Variants in PRKN observed in about 807,000 individuals in gnomAD.
The protein encoded by PRKN is parkin RBR E3 ubiquitin protein ligase.
PRKN carries 56 observed loss-of-function variants against 59.5 expected under a neutral mutation model. The observed-to-expected ratio is 0.94, with a 90% CI of 0.76 to 1.18. The LOEUF is 1.18. Ranked by LOEUF, PRKN falls within the 50% of genes most tolerant of loss-of-function variation. The pLI, the probability that PRKN is intolerant of heterozygous loss-of-function variation, is 0.00. For synonymous variants in PRKN, 250 were observed against 222.1 expected (o/e 1.13, Z -1.12); for missense variants, 657 against 596.4 (o/e 1.10, Z -1.06).
chr6:162,616,842 A>G (rs561856557), intron 1 of PRKN, among the ~76,000 whole-genome samples: 1 of 152,332 alleles, frequency 6.6e-6, no homozygotes, highest in South Asian at 2.1e-4. Flanking sequence ...CAACATCAGC[A>G]GGAATAAGAC....
At chr6:161,923,579 T>C (rs1270166172) in intron 6 of PRKN, among the ~76,000 whole-genome samples, 1 of 151,016 alleles carries the variant, frequency 6.6e-6, no homozygotes, top group Non-Finnish European at 1.5e-5. Context: ...CCACTTGTTA[T>C]CAATTTTGTG....
intron 1 of PRKN, among the ~76,000 whole-genome samples, chr6:162,539,624 A>C (rs1484507915): frequency 6.6e-6 from 1 of 152,186 alleles, no homozygotes; most frequent in African/African-American, 2.4e-5. Context: ...TCAGACAAAA[A>C]AATGTAGGCT....
chr6:162,326,077 A>T (rs1276746183), intron 2 of PRKN, among the ~76,000 whole-genome samples: 1 of 152,170 alleles, frequency 6.6e-6, no homozygotes, highest in Non-Finnish European at 1.5e-5. Context: ...AAATCCTAAC[A>T]TTCACATTCT....
intron 1 of PRKN, among the ~76,000 whole-genome samples, chr6:162,458,549 C>A (rs1466518685): frequency 6.6e-6 from 1 of 151,396 alleles, no homozygotes; most frequent in Non-Finnish European, 1.5e-5. Flanking sequence ...ATATATTCCA[C>A]TGTTAAATAT....
rs1786484395 is a variant in PRKN at position 161,391,084 on chromosome 6, T to C, written c.1084-4207A>G. Among the ~76,000 whole-genome samples the C allele has an allele frequency of 6.6e-6, 1 of 152,128 alleles. No individual in the cohort carries two copies. Among genetic ancestry groups the C allele is most frequent in the African/African-American group, 2.4e-5 (1 of 41,404 alleles). The stretch of plus-strand genomic sequence containing the variant: ...CAGTTTGCAAACACTTCCCATGGCA[T>C]AGCTGTTTCTAGAGAAAAAGCTTGC... On this transcript the variant is annotated intron_variant, in intron 9 of 11. Transcript: ENST00000366898. The surrounding 1 kb of genome is among the most constrained non-coding windows in gnomAD (Gnocchi z 4.9).
At chr6:161,775,273 C>T (rs572319037) in intron 7 of PRKN, among the ~76,000 whole-genome samples, 1 of 151,910 alleles carries the variant, frequency 6.6e-6, no homozygotes, top group Admixed American at 6.6e-5. Context: ...GACAGGGTCT[C>T]ACTCAGTCAC....
chr6:161,886,922 ACTGTGG>A (rs144018646), intron 6 of PRKN, among the ~76,000 whole-genome samples: 1,551 of 152,236 alleles, frequency 0.01, 23 homozygotes, highest in African/African-American at 0.035. Flanking sequence ...CAAAGAAAAT[ACTGTGG>A]CAATAAATTG....
intron 2 of PRKN, among the ~76,000 whole-genome samples, chr6:162,280,070 C>G (rs1157660608): frequency 3.9e-5 from 6 of 152,070 alleles, no homozygotes; most frequent in African/African-American, 1.4e-4. Flanking sequence ...TGTCTCTGCA[C>G]ATGGGAAGGG....
chr6:162,573,745 G>A (rs145867433), intron 1 of PRKN, among the ~76,000 whole-genome samples: 43 of 152,100 alleles, frequency 2.8e-4, no homozygotes, highest in South Asian at 1.5e-3. Context: ...TTGTACAAAC[G>A]TGAAATACAT....
At chr6:162,473,867 T>C (rs555825393) in intron 1 of PRKN, among the ~76,000 whole-genome samples, 1 of 152,172 alleles carries the variant, frequency 6.6e-6, no homozygotes, top group Non-Finnish European at 1.5e-5. Context: ...TCTTGAAACA[T>C]CAAATATGAA....
chr6:162,005,645 G>A (rs969128541), intron 5 of PRKN, among the ~76,000 whole-genome samples: 1 of 152,084 alleles, frequency 6.6e-6, no homozygotes, highest in Non-Finnish European at 1.5e-5. Context: ...AATGCCTCGG[G>A]CTAGAGAGAA....
chr6:162,293,346 A>T (rs1781525039), intron 2 of PRKN, among the ~76,000 whole-genome samples: 3 of 152,216 alleles, frequency 2.0e-5, no homozygotes, highest in African/African-American at 7.2e-5. Context: ...TTAATTTATA[A>T]GATTAAAAGA....
intron 1 of PRKN, among the ~76,000 whole-genome samples, chr6:162,726,744 C>T (rs1779221459): frequency 6.6e-6 from 1 of 152,212 alleles, no homozygotes; most frequent in Non-Finnish European, 1.5e-5. Flanking sequence ...AAAGGACCCT[C>T]CTCAGGAATA....
chr6:161,609,849 G>C (rs1002508689), intron 7 of PRKN, among the ~76,000 whole-genome samples: 1 of 152,144 alleles, frequency 6.6e-6, no homozygotes, highest in African/African-American at 2.4e-5. Flanking sequence ...AGAACCTGCT[G>C]TTTCACTGAG....
chr6:162,276,428 A>G (rs1020816724), intron 2 of PRKN, among the ~76,000 whole-genome samples: 1 of 152,166 alleles, frequency 6.6e-6, no homozygotes, highest in African/African-American at 2.4e-5. Flanking sequence ...GCTGTATTCT[A>G]AAGTCACTTG....
intron 2 of PRKN, among the ~76,000 whole-genome samples, chr6:162,414,726 A>AAAAAAAAAAGGT (rs34838356): frequency 5.4e-5 from 5 of 91,870 alleles, no homozygotes; most frequent in Non-Finnish European, 4.2e-5. Flanking sequence ...AAAAAAAAAA[A>AAAAAAAAAAGGT]AGTGAATCTT....
chr6:161,754,778 C>T (rs1034661128), intron 7 of PRKN, among the ~76,000 whole-genome samples: 1 of 152,198 alleles, frequency 6.6e-6, no homozygotes, highest in African/African-American at 2.4e-5. Context: ...AGCTCACATA[C>T]TTTAGATCCT....
intron 10 of PRKN, among the ~76,000 whole-genome samples, chr6:161,368,200 G>A (rs1582979537): frequency 2.0e-5 from 3 of 150,490 alleles, no homozygotes; most frequent in Non-Finnish European, 4.4e-5. Flanking sequence ...CCAGTGCGAC[G>A]GTCAGGAGTT....
chr6:161,932,375 T>C (rs1779199025), intron 6 of PRKN, among the ~76,000 whole-genome samples: 1 of 152,164 alleles, frequency 6.6e-6, no homozygotes. Context: ...TAATTATGTT[T>C]TCCAGAATAT....
Sources: gnomAD v4.1 joint callset for allele counts (sites outside exome capture counted in the v4.1 genomes callset) on GRCh38, gnomAD v4.1.1 for gene constraint, Gnocchi (gnomAD v3.1) non-coding constraint, MANE v1.5 for transcripts, NCBI Gene and HGNC (gene_info 2026-07-23, HGNC 2026-07-21) for gene names.